CCDC60: variants seen among roughly 807,000 people sequenced by gnomAD.
CCDC60 encodes the protein coiled-coil domain containing 60.
Under a neutral mutation model 63.5 loss-of-function variants are expected in CCDC60, and 54 were observed. The observed-to-expected ratio is 0.85, with a 90% CI of 0.68 to 1.07. The LOEUF (loss-of-function observed/expected upper bound fraction) is 1.07, where lower values mean the gene tolerates loss of function less well. Ranked by LOEUF, CCDC60 falls within the 50% of genes least tolerant of loss-of-function variation. The probability of loss-of-function intolerance (pLI) is 0.00; values close to 1 mark genes in which losing one functional copy is unlikely to be tolerated. For synonymous variants in CCDC60, 206 were observed against 238.8 expected, an observed-to-expected ratio of 0.86 and a Z score of 1.27; for missense variants, 651 against 684.3, an observed-to-expected ratio of 0.95 and a Z score of 0.54.
chr12:119,407,693 T>A (rs10849657), intron 1 of CCDC60, among the ~76,000 whole-genome samples: 33,342 of 152,192 alleles, frequency 0.22, 3,832 homozygotes, highest in South Asian at 0.42. Flanking sequence ...GTTCATTTCC[T>A]GACCCTGTAG....
chr12:119,335,351 C>A (rs537584110), intron 1 of CCDC60, 85 bp downstream of exon 1: 17 of 1,032,634 alleles, frequency 1.6e-5, no homozygotes, highest in Non-Finnish European at 2.4e-5. Flanking sequence ...ATTTCTAGTT[C>A]TAGATCCCTG....
At chr12:119,509,644 A>AATGATGATGATGATG (rs60115763) in intron 7 of CCDC60, among the ~76,000 whole-genome samples, 17 of 150,936 alleles carry the variant, frequency 1.1e-4, no homozygotes, top group African/African-American at 3.9e-4. Context: ...TTTTCTTTAG[A>AATGATGATGATGATG]ATGATGATGA....
intron 5 of CCDC60, among the ~76,000 whole-genome samples, chr12:119,498,224 A>G (rs1408909167): frequency 6.6e-6 from 1 of 152,140 alleles, no homozygotes; most frequent in Admixed American, 6.6e-5. Context: ...TTTGCCTTCT[A>G]TATCTGAGCA....
At chr12:119,508,570 A>G (rs1363127046) in intron 7 of CCDC60, among the ~76,000 whole-genome samples, 1 of 152,006 alleles carries the variant, frequency 6.6e-6, no homozygotes, top group Admixed American at 6.6e-5. Flanking sequence ...ATAGAGAGAG[A>G]CCGTTGGTGG....
rs1328896831 is a variant in CCDC60 at position 119,365,964 on chromosome 12, C to T, written c.90+30698C>T. 4.6e-5 allele frequency among the ~76,000 whole-genome samples: 7 copies of T among 152,162 alleles called. No homozygotes were observed. In the East Asian group the frequency reaches 1.3e-3, roughly 29 times the overall value. ...GGGGCCAAGATTACAATGTTGAAAACATCCAGGCTTCCCACCTGGAGTCCT... is the reference window on the plus strand; with the variant it reads ...GGGGCCAAGATTACAATGTTGAAAATATCCAGGCTTCCCACCTGGAGTCCT... On this transcript the variant is annotated intron_variant, in intron 1 of 13. Transcript: ENST00000327554.
chr12:119,454,303 A>G (rs980282342), intron 2 of CCDC60, among the ~76,000 whole-genome samples: 1 of 152,278 alleles, frequency 6.6e-6, no homozygotes, highest in Middle Eastern at 3.4e-3. Context: ...AATAGTACTT[A>G]CTTCATAGGA....
chr12:119,490,104 A>C, intron 5 of CCDC60, among the ~76,000 whole-genome samples: 1 of 152,112 alleles, frequency 6.6e-6, no homozygotes, highest in Non-Finnish European at 1.5e-5. Context: ...CCAAACGTTA[A>C]GTCTTAATTA....
At chr12:119,401,257 C>T (rs148239996) in intron 1 of CCDC60, among the ~76,000 whole-genome samples, 47 of 152,334 alleles carry the variant, frequency 3.1e-4, no homozygotes, top group African/African-American at 8.7e-4. Context: ...CCTGATGTGA[C>T]TCCCCATCTA....
chr12:119,537,411 G>A (rs1953035562), intron 13 of CCDC60, among the ~76,000 whole-genome samples: 1 of 152,188 alleles, frequency 6.6e-6, no homozygotes, highest in African/African-American at 2.4e-5. Context: ...GCCTACTTCT[G>A]TCAGCTCGTC....
intron 10 of CCDC60, 31 bp from the exon 11 acceptor site, chr12:119,523,662 T>C (rs1952593753): frequency 6.2e-7 from 1 of 1,611,886 alleles, no homozygotes; most frequent in Non-Finnish European, 8.5e-7. Context: ...CTGGGCTCCA[T>C]TCCCCAAGCC....
chr12:119,540,716 G>A lies in CCDC60; in HGVS notation c.*1G>A. ...TGGGCCCTACAGCGCCCTGAGGTAG[G>A]CTGGGCCTGGGTTGACCAGCTGTCT... On this transcript the variant is annotated 3_prime_UTR_variant, in exon 14 of 14. Coordinates refer to ENST00000327554, the MANE Select transcript of CCDC60 (RefSeq NM_178499.5). The A allele has an allele frequency of 6.2e-7, 1 of 1,608,624 alleles. No individual in the cohort carries two copies. Among genetic ancestry groups the A allele is most frequent in the Admixed American group, 1.7e-5 (1 of 60,024 alleles).
intron 2 of CCDC60, among the ~76,000 whole-genome samples, chr12:119,432,810 CGTTA>C (rs1365209212): frequency 6.6e-6 from 1 of 152,110 alleles, no homozygotes. Context: ...GCAAACCGAT[CGTTA>C]AACACAGCTA....
At chr12:119,445,349 G>A (rs888276428) in intron 2 of CCDC60, among the ~76,000 whole-genome samples, 3 of 146,568 alleles carry the variant, frequency 2.0e-5, no homozygotes, top group Non-Finnish European at 4.4e-5. Flanking sequence ...TGGGAGAATC[G>A]CTTGAACCCG....
chr12:119,347,317 TA>T (rs1955607795), intron 1 of CCDC60, among the ~76,000 whole-genome samples: 1 of 152,158 alleles, frequency 6.6e-6, no homozygotes, highest in South Asian at 2.1e-4. Flanking sequence ...GAAATGTTGA[TA>T]ATCGTAAACA....
In CCDC60 at chr12:119,407,348, A is replaced by AAAAAG. The variant is rs368533217; in HGVS notation, c.91-21315_91-21311dup. Reference sequence around the variant, plus strand: ...ATAGTGACAACTCACCTCTACAAAAAAAAAGAAAAGAAAAGAAAAGAAAAA... The same window carrying AAAAAG: ...ATAGTGACAACTCACCTCTACAAAAAAAAAGAAAAGAAAAGAAAAGAAAAGAAAAA... On this transcript the variant is annotated intron_variant, in intron 1 of 13. Transcript: ENST00000327554. Among the ~76,000 whole-genome samples, 50 of 152,074 alleles carry AAAAAG rather than the reference A, an allele frequency of 3.3e-4. 1 individual carries two copies. Among genetic ancestry groups the AAAAAG allele is most frequent in the South Asian group, 1.9e-3 (9 of 4,808 alleles).
At chr12:119,382,351 G>A (rs1344034169) in intron 1 of CCDC60, among the ~76,000 whole-genome samples, 1 of 152,194 alleles carries the variant, frequency 6.6e-6, no homozygotes, top group Non-Finnish European at 1.5e-5. Context: ...CAGCGCACTG[G>A]TCACTGTGGG....
Position 119,523,728 on chromosome 12 carries a change from G to GCCCA in CCDC60, c.1139_1140insCCCA (p.Gly381ProfsTer5), listed in dbSNP as rs1362580961. 1 of 1,614,190 alleles carries GCCCA rather than the reference G, an allele frequency of 6.2e-7. No individual in the cohort carries two copies. Among genetic ancestry groups the GCCCA allele is most frequent in the East Asian group, 2.2e-5 (1 of 44,886 alleles). On this transcript the variant is annotated frameshift_variant, in exon 11 of 14. Transcript: ENST00000327554. LOFTEE classifies it high-confidence loss of function. ...TGTGACATCAACATCCACTACAAGA[G>GCCCA]TGGGGTGTGTAACACCATGAGGGCC... is the stretch of plus-strand genomic sequence containing the variant.
Position 119,534,776 on chromosome 12 carries a change from G to A in CCDC60, c.1551+3713G>A, listed in dbSNP as rs192029653. Among the ~76,000 whole-genome samples the A allele has an allele frequency of 1.1e-3, 174 of 152,236 alleles. 1 individual carries two copies. The Middle Eastern group carries it at 0.02, about 18-fold the overall frequency. ...TCCCAGGGATGAAGCTGACTTGATC[G>A]TGGTGGATAAGCTTTTTGATTTGCT... On this transcript the variant is annotated intron_variant, in intron 13 of 13. Coordinates refer to ENST00000327554, the MANE Select transcript of CCDC60 (RefSeq NM_178499.5).
At chr12:119,341,989 A>G (rs1955537363) in intron 1 of CCDC60, among the ~76,000 whole-genome samples, 1 of 152,200 alleles carries the variant, frequency 6.6e-6, no homozygotes, top group Non-Finnish European at 1.5e-5. Context: ...TAAAAGGAAA[A>G]CACCATATAT....
Sources: allele counts gnomAD v4.1 joint callset (sites outside exome capture counted in the v4.1 genomes callset), GRCh38; gene constraint gnomAD v4.1.1; transcripts MANE v1.5; gene names NCBI Gene and HGNC (gene_info 2026-07-23, HGNC 2026-07-21).